The following PPIL2 variants were observed in gnomAD, a reference collection of about 807,000 sequenced individuals.
The protein encoded by PPIL2 is peptidylprolyl isomerase like 2, also known as RING-type E3 ubiquitin-protein ligase PPIL2.
PPIL2 carries 50 observed loss-of-function variants against 75.2 expected under a neutral mutation model. That is an observed-to-expected ratio of 0.66 (90% CI 0.53 to 0.84). PPIL2 has a LOEUF of 0.84. PPIL2 is among the 40% of genes least tolerant of loss of function. The pLI, the probability that PPIL2 is intolerant of heterozygous loss-of-function variation, is 0.00. For synonymous variants in PPIL2, 245 were observed against 258.8 expected, an observed-to-expected ratio of 0.95 and a Z score of 0.51; for missense variants, 590 against 685.0, an observed-to-expected ratio of 0.86 and a Z score of 1.55.
At chr22:21,670,192 G>A in intron 2 of PPIL2, 1 of 965,678 alleles carries the variant, frequency 1.0e-6, no homozygotes, top group South Asian at 1.8e-5. Flanking sequence ...GATGCTGGGA[G>A]CTAAGTAAAA....
intron 12 of PPIL2, 119 bp from the exon 13 acceptor site, chr22:21,687,524 G>A (rs556454340): frequency 5.1e-5 from 36 of 709,924 alleles, no homozygotes; most frequent in Non-Finnish European, 7.4e-5. Context: ...CAGCACTCCA[G>A]CCTGGGCAAC....
chr22:21,685,147 T>C (rs1356584497), intron 10 of PPIL2, among the ~76,000 whole-genome samples: 4 of 152,208 alleles, frequency 2.6e-5, no homozygotes, highest in Admixed American at 6.5e-5. Context: ...ATGTCCACAC[T>C]GGTCGTTGAA....
chr22:21,687,271 C>T (rs868647040), intron 12 of PPIL2, among the ~76,000 whole-genome samples: 12 of 152,320 alleles, frequency 7.9e-5, no homozygotes, highest in Middle Eastern at 6.8e-3. Flanking sequence ...CTGGGCCGTG[C>T]GGCTGCACGG....
At chr22:21,684,101 G>C (rs2067240660) in intron 9 of PPIL2, among the ~76,000 whole-genome samples, 1 of 152,004 alleles carries the variant, frequency 6.6e-6, no homozygotes. Flanking sequence ...CAGCTACTTG[G>C]GGGGCTGAGG....
chr22:21,674,859 G>C (rs931923539), intron 5 of PPIL2, among the ~76,000 whole-genome samples: 11 of 152,220 alleles, frequency 7.2e-5, no homozygotes, highest in African/African-American at 2.4e-4. Flanking sequence ...CTCAGAGCGT[G>C]GTGGGGGTGC....
At position 21,696,799 on chromosome 22, in the gene PPIL2, G is replaced by A. The variant is rs1490178274; in HGVS notation, c.*1309G>A. 6.4e-7 allele frequency: 1 copy of A among 1,550,794 alleles called. No homozygotes were observed. The highest frequency in any genetic ancestry group is 8.7e-7 in the Non-Finnish European group (1 of 1,147,844). ...CCTTTTCTCATCAATCACTGATGCT[G>A]AAGCTGCAGGCCTGAGCCCTTTGTC... On this transcript the variant is annotated 3_prime_UTR_variant, in exon 20 of 20. Coordinates refer to ENST00000398831, the MANE Select transcript of PPIL2 (RefSeq NM_014337.4).
At position 21,670,981 on chromosome 22, in the gene PPIL2, G is replaced by T. The variant is rs1393680922; in HGVS notation, c.129-16G>T. On this transcript the variant is annotated splice_polypyrimidine_tract_variant and intron_variant, in intron 3 of 19. Coordinates refer to ENST00000398831, the MANE Select transcript of PPIL2 (RefSeq NM_014337.4). ...GGGTGCGTGGCAACTCACCAGGAAT[G>T]ACTGTCCTTTTTCAGTCTCTCTCTG... The T allele has an allele frequency of 6.2e-7, 1 of 1,607,098 alleles. No homozygotes were observed. Among genetic ancestry groups the T allele is most frequent in the African/African-American group, 1.3e-5 (1 of 74,896 alleles).
intron 4 of PPIL2, among the ~76,000 whole-genome samples, chr22:21,671,902 A>G (rs79381278): frequency 0.029 from 4,366 of 152,124 alleles, 88 homozygotes; most frequent in Admixed American, 0.045. Flanking sequence ...AAGTGCAAAA[A>G]TTAGCCAGCC....
At chr22:21,668,169 T>TG (rs1555892746) in intron 1 of PPIL2, among the ~76,000 whole-genome samples, 1 of 151,252 alleles carries the variant, frequency 6.6e-6, no homozygotes, top group Non-Finnish European at 1.5e-5. Context: ...AAACCCTAAG[T>TG]CCCCCCACTG....
chr22:21,687,812 C>T, intron 13 of PPIL2, 80 bp downstream of exon 13: 2 of 1,406,170 alleles, frequency 1.4e-6, no homozygotes, highest in Non-Finnish European at 2.0e-6. Flanking sequence ...CTGCCCCATC[C>T]CAGGGCCCTG....
In PPIL2 at chr22:21,690,487, G is replaced by A. The variant is rs562572139; in HGVS notation, c.1139+1638G>A. 7.8e-4 allele frequency among the ~76,000 whole-genome samples: 119 copies of A among 152,172 alleles called. 1 individual carries two copies. The South Asian group carries it at 0.022, about 29-fold the overall frequency. On this transcript the variant is annotated intron_variant, in intron 15 of 19. Coordinates refer to ENST00000398831, the MANE Select transcript of PPIL2 (RefSeq NM_014337.4). ...TTGGGGCTTTCATTTCAGGGTTAACGGGCACTTGTTTCCATGAAGGCTGGT... is the reference window on the plus strand; with the variant it reads ...TTGGGGCTTTCATTTCAGGGTTAACAGGCACTTGTTTCCATGAAGGCTGGT...
At chr22:21,669,373 G>A (rs889382561) in intron 1 of PPIL2, 8 of 450,476 alleles carry the variant, frequency 1.8e-5, no homozygotes, top group African/African-American at 1.0e-4. Context: ...GTTCTCCAAC[G>A]CCTGGACTCA....
intron 2 of PPIL2, 57 bp downstream of exon 2, chr22:21,670,019 C>G (rs1211566716): frequency 2.8e-5 from 42 of 1,512,832 alleles, no homozygotes; most frequent in Non-Finnish European, 3.9e-5. Context: ...GGAACTGTGT[C>G]TTCAGGATAC....
chr22:21,683,449 C>G (rs1205970981), intron 9 of PPIL2, among the ~76,000 whole-genome samples, 192 bp downstream of exon 9: 1 of 152,212 alleles, frequency 6.6e-6, no homozygotes, highest in Non-Finnish European at 1.5e-5. Context: ...GATAGACTTG[C>G]TGCCCTGCCA....
intron 6 of PPIL2, among the ~76,000 whole-genome samples, chr22:21,679,684 A>G (rs1450534571): frequency 2.0e-5 from 3 of 150,850 alleles, no homozygotes; most frequent in African/African-American, 7.3e-5. Flanking sequence ...CAATCCTCCC[A>G]CCTTGGCCTC....
Position 21,695,013 on chromosome 22 carries a change from G to T in PPIL2, c.1409G>T (p.Ser470Ile), listed in dbSNP as rs2067858872. 6.2e-7 allele frequency: 1 copy of T among 1,613,266 alleles called. No homozygotes were observed. Among genetic ancestry groups the T allele is most frequent in the Non-Finnish European group, 8.5e-7 (1 of 1,179,996 alleles). The change falls in exon 19 of 20, where the codon AGC (serine) becomes ATC (isoleucine). Residue 470 changes from serine to isoleucine, a missense_variant. Transcript: ENST00000398831. ...KVKSSQPQAGSQGPQTFRQGV... is the reference protein window; with the variant it reads ...KVKSSQPQAGIQGPQTFRQGV... ...AAGAGCAGCCAGCCCCAGGCAGGGAGCCAGGGCCCCCAGACCTTCCGCCAG... is the reference window on the plus strand; with the variant it reads ...AAGAGCAGCCAGCCCCAGGCAGGGATCCAGGGCCCCCAGACCTTCCGCCAG...
intron 19 of PPIL2, 87 bp from the exon 20 acceptor site, chr22:21,695,307 T>C: frequency 6.8e-7 from 1 of 1,469,736 alleles, no homozygotes; most frequent in East Asian, 2.5e-5. Context: ...GGGTTGGGCC[T>C]ACACCGGGAG....
intron 12 of PPIL2, 127 bp downstream of exon 12, chr22:21,687,125 G>A (rs1285206039): frequency 1.1e-5 from 10 of 891,834 alleles, no homozygotes; most frequent in Middle Eastern, 2.2e-4. Flanking sequence ...GTCACTAGGC[G>A]GGACCCGCAG....
chr22:21,698,071 AT>A (rs1294678091), downstream of PPIL2: 1 of 152,310 alleles, frequency 6.6e-6, no homozygotes, highest in Non-Finnish European at 1.5e-5. Flanking sequence ...AGGAAGATTT[AT>A]TTTAAATAAC....
Sources: gnomAD v4.1 joint callset for allele counts (sites outside exome capture counted in the v4.1 genomes callset) on GRCh38, gnomAD v4.1.1 for gene constraint, MANE v1.5 for transcripts, NCBI Gene and HGNC (gene_info 2026-07-23, HGNC 2026-07-21) for gene names.